NUCB2: variants seen among roughly 807,000 people sequenced by gnomAD.
NUCB2 encodes nucleobindin 2.
A neutral mutation model predicts 57.9 loss-of-function variants in NUCB2; 48 were observed. The observed-to-expected ratio is 0.83, with a 90% CI of 0.66 to 1.05. NUCB2 has a LOEUF of 1.05. Among genes scored for constraint, NUCB2 ranks in the 50% least tolerant of loss-of-function variants. The pLI, the probability that NUCB2 is intolerant of heterozygous loss-of-function variation, is 0.00. For missense variants in NUCB2, 442 were observed against 476.2 expected (o/e 0.93, Z 0.67); for synonymous variants, 139 against 152.1 (o/e 0.91, Z 0.64).
At chr11:17,290,302 CA>C (rs1340131619) in intron 2 of NUCB2, among the ~76,000 whole-genome samples, 1 of 152,168 alleles carries the variant, frequency 6.6e-6, no homozygotes, top group East Asian at 1.9e-4. Flanking sequence ...ACCAACAATG[CA>C]AAAACTCAAT....
Position 17,310,845 on chromosome 11 carries a change from C to G in NUCB2, c.504C>G (p.His168Gln). 1 of 1,585,426 alleles carries G rather than the reference C, an allele frequency of 6.3e-7. No homozygotes were observed. The highest frequency in any genetic ancestry group is 1.2e-5 in the South Asian group (1 of 84,512). Residue 168 changes from histidine to glutamine, a missense_variant, in exon 7 of 14, where the codon CAC becomes CAG. Transcript: ENST00000529010. ...TTCAGGCAACAAGTGATCTGGAACA[C>G]TATGACAAGACTCGTCATGAAGAAT... ...LIKAATSDLE[H>Q]YDKTRHEEFK...
At chr11:17,297,805 C>A (rs947953326) in intron 4 of NUCB2, among the ~76,000 whole-genome samples, 13 of 152,068 alleles carry the variant, frequency 8.5e-5, no homozygotes, top group Non-Finnish European at 1.8e-4. Flanking sequence ...AATGAGGGTC[C>A]GTGTGTGGTG....
chr11:17,345,809 T>C (rs1017405788), intron 2 of NUCB2, among the ~76,000 whole-genome samples: 5 of 152,206 alleles, frequency 3.3e-5, no homozygotes, highest in Admixed American at 6.5e-5. Context: ...ATTTATTTTT[T>C]CTTGGCTTAT....
At chr11:17,281,267 C>T (rs965970149) in intron 1 of NUCB2, among the ~76,000 whole-genome samples, 2 of 151,996 alleles carry the variant, frequency 1.3e-5, no homozygotes, top group Non-Finnish European at 2.9e-5. Context: ...CAGGTGCACA[C>T]CACTACACCC....
At position 17,310,910 on chromosome 11, in the gene NUCB2, A is replaced by G. The variant is rs762134404; in HGVS notation, c.569A>G (p.Glu190Gly). 6.3e-7 allele frequency: 1 copy of G among 1,592,910 alleles called. No individual in the cohort carries two copies. The highest frequency in any genetic ancestry group is 1.2e-5 in the South Asian group (1 of 86,262). ...YEMMKEHERR[E>G]YLKTLNEEKR... ...ATGATGAAGGAACATGAAAGGAGAG[A>G]ATATTTAAAAACATTGAATGAAGAA... Residue 190 changes from glutamate (E) to glycine (G), a missense_variant, in exon 7 of 14, where the codon GAA (glutamate) becomes GGA (glycine). Physicochemically the swap from Glu to Gly is moderately conservative, Grantham distance 98. Coordinates refer to ENST00000529010, the MANE Select transcript of NUCB2 (RefSeq NM_005013.4).
chr11:17,339,508 C>A (rs1385385467), intron 2 of NUCB2, among the ~76,000 whole-genome samples: 1 of 132,746 alleles, frequency 7.5e-6, no homozygotes. Flanking sequence ...CCCCTCCCCC[C>A]ACCCCCACAA....
intron 4 of NUCB2, among the ~76,000 whole-genome samples, chr11:17,299,621 A>T (rs568072644): frequency 1.3e-5 from 2 of 152,242 alleles, no homozygotes; most frequent in Admixed American, 1.3e-4. Context: ...AAAAAATAAC[A>T]AGCCAGGTGC....
chr11:17,312,561 C>A (rs956613627), intron 10 of NUCB2, among the ~76,000 whole-genome samples: 1 of 152,032 alleles, frequency 6.6e-6, no homozygotes, highest in African/African-American at 2.4e-5. Flanking sequence ...CACCACCACA[C>A]CTAGCTAATT....
At chr11:17,285,934 TACACACACACACACAC>T (rs140090235) in intron 2 of NUCB2, among the ~76,000 whole-genome samples, 3 of 143,446 alleles carry the variant, frequency 2.1e-5, no homozygotes, top group Non-Finnish European at 4.6e-5. Flanking sequence ...CACGTGTGCG[TACACACACACACACAC>T]ACACACACAC....
intron 2 of NUCB2, among the ~76,000 whole-genome samples, chr11:17,342,138 T>C (rs1004868104): frequency 6.6e-6 from 1 of 152,222 alleles, no homozygotes; most frequent in East Asian, 1.9e-4. Flanking sequence ...TGGTAGTTTG[T>C]ATTTCTGTGG....
chr11:17,310,682 G>A lies in NUCB2; in HGVS notation c.484-143G>A. On this transcript the variant is annotated intron_variant, in intron 6 of 13. Transcript: ENST00000529010. Reference sequence around the variant, plus strand: ...GAAAAAACTTGACTAAAATGAAATGGTAGAATTTAAAAAGAGGAGTCCAGT... The same window carrying A: ...GAAAAAACTTGACTAAAATGAAATGATAGAATTTAAAAAGAGGAGTCCAGT... 7.4e-6 allele frequency: 4 copies of A among 537,592 alleles called. No homozygotes were observed. The South Asian group carries it at 1.1e-4, about 15-fold the overall frequency. 33.3% of individuals were successfully genotyped at this position (537,592 alleles called of 1,614,324 possible). A position where few individuals can be genotyped will look rare whatever the true frequency, so the allele number is the denominator to read the frequency against.
At chr11:17,296,902 T>A (rs1945905587) in intron 4 of NUCB2, among the ~76,000 whole-genome samples, 1 of 152,156 alleles carries the variant, frequency 6.6e-6, no homozygotes, top group African/African-American at 2.4e-5. Flanking sequence ...GGTGTTTTAA[T>A]CAGGTCCAGA....
intron 2 of NUCB2, among the ~76,000 whole-genome samples, chr11:17,292,669 A>G (rs1451772008): frequency 6.6e-6 from 1 of 152,212 alleles, no homozygotes. Context: ...TCCCAGGTCT[A>G]CACTCTAGCT....
At chr11:17,296,332 C>G in intron 4 of NUCB2, 121 bp downstream of exon 4, 1 of 480,582 alleles carries the variant, frequency 2.1e-6, no homozygotes, top group Non-Finnish European at 3.6e-6. Flanking sequence ...ATCCTCCCAC[C>G]TCAGTCTCTC....
chr11:17,326,749 TTACAGTGTTATAC>T (rs1443206439), intron 11 of NUCB2, among the ~76,000 whole-genome samples: 1 of 152,234 alleles, frequency 6.6e-6, no homozygotes, highest in Non-Finnish European at 1.5e-5. Flanking sequence ...TATACGACAA[TTACAGTGTTATAC>T]TATTCTGTGT....
chr11:17,334,513 T>C (rs1298563083), downstream of NUCB2: 1 of 152,250 alleles, frequency 6.6e-6, no homozygotes, highest in Non-Finnish European at 1.5e-5. Context: ...ACCAATCATA[T>C]CTGAAACCCT....
intron 1 of NUCB2, among the ~76,000 whole-genome samples, chr11:17,282,204 A>C (rs370983498): frequency 6.8e-5 from 9 of 132,628 alleles, no homozygotes; most frequent in South Asian, 4.5e-4. Flanking sequence ...CTATATCTAT[A>C]TATCTATATC....
At chr11:17,324,368 C>A (rs1950391581) in intron 11 of NUCB2, among the ~76,000 whole-genome samples, 1 of 151,968 alleles carries the variant, frequency 6.6e-6, no homozygotes, top group Non-Finnish European at 1.5e-5. Context: ...TCAAAAATTC[C>A]TCTTATTATC....
In NUCB2 at chr11:17,301,476, C is replaced by T. The variant is rs11024243; in HGVS notation, c.253-268C>T. On this transcript the variant is annotated intron_variant, in intron 4 of 13. Transcript: ENST00000529010. ...TGTATTTTTAGTAGAGACGGTATTTCGCCAGGTTGGCCAGGCTGGTCTCGA... is the reference window on the plus strand; with the variant it reads ...TGTATTTTTAGTAGAGACGGTATTTTGCCAGGTTGGCCAGGCTGGTCTCGA... Among the ~76,000 whole-genome samples, 3,782 of 150,990 alleles carry T rather than the reference C, an allele frequency of 0.025. 558 individuals carry two copies. In the East Asian group the frequency reaches 0.44, roughly 17 times the overall value.
Sources: allele counts gnomAD v4.1 joint callset (sites outside exome capture counted in the v4.1 genomes callset), GRCh38; gene constraint gnomAD v4.1.1; transcripts MANE v1.5; gene names NCBI Gene and HGNC (gene_info 2026-07-23, HGNC 2026-07-21).